The following PEPD variants were observed in gnomAD, a reference collection of about 807,000 sequenced individuals.
The protein encoded by PEPD is peptidase D, also known as xaa-Pro dipeptidase.
A neutral mutation model predicts 60.7 loss-of-function variants in PEPD; 53 were observed. That is an observed-to-expected ratio of 0.87 (90% CI 0.70 to 1.10). The LOEUF is 1.10. PEPD is among the 50% of genes least tolerant of loss of function. The probability of loss-of-function intolerance (pLI) is 0.00; values close to 1 mark genes in which losing one functional copy is unlikely to be tolerated. For missense variants in PEPD, 711 were observed against 711.9 expected (o/e 1.00, Z 0.01); for synonymous variants, 267 against 284.1 (o/e 0.94, Z 0.60).
intron 9 of PEPD, among the ~76,000 whole-genome samples, chr19:33,429,658 C>T (rs1042124073): frequency 2.0e-5 from 3 of 152,154 alleles, no homozygotes; most frequent in South Asian, 2.1e-4. Context: ...AAAGCAATTT[C>T]GCAAAGGCAT....
At chr19:33,387,755 C>T (rs565547009) in intron 14 of PEPD, 135 bp downstream of exon 14, 2 of 828,342 alleles carry the variant, frequency 2.4e-6, no homozygotes, top group South Asian at 2.9e-5. Flanking sequence ...CTGTGACAGA[C>T]CACACGAAGG....
chr19:33,464,826 C>T (rs970019007), intron 7 of PEPD, among the ~76,000 whole-genome samples: 15 of 152,130 alleles, frequency 9.9e-5, no homozygotes, highest in African/African-American at 3.6e-4. Flanking sequence ...TGGTTGCAAT[C>T]AATCTCACCC....
At chr19:33,400,093 G>A (rs1568450701) in intron 12 of PEPD, among the ~76,000 whole-genome samples, 1 of 152,190 alleles carries the variant, frequency 6.6e-6, no homozygotes, top group African/African-American at 2.4e-5. Flanking sequence ...CCTGGAGGAC[G>A]CCTGAGCTCC....
chr19:33,471,593 G>A (rs1479225038), intron 7 of PEPD, among the ~76,000 whole-genome samples: 1 of 152,220 alleles, frequency 6.6e-6, no homozygotes, highest in Non-Finnish European at 1.5e-5. Flanking sequence ...CAGGGGATGT[G>A]TGGGGTGGTT....
chr19:33,493,006 A>G lies in PEPD; in HGVS notation c.441+284T>C, dbSNP rs140334831. 4.1e-4 allele frequency among the ~76,000 whole-genome samples: 63 copies of G among 152,338 alleles called. No individual in the cohort carries two copies. In the East Asian group the frequency reaches 7.7e-3, roughly 19 times the overall value. ...CGCCTCCCACCTCAGCCTCCCAAGT[A>G]GCTGGGACCACAAGCACATGCCACC... is the stretch of plus-strand genomic sequence containing the variant. On this transcript the variant is annotated intron_variant, in intron 5 of 14. Coordinates refer to ENST00000244137, the MANE Select transcript of PEPD (RefSeq NM_000285.4).
intron 12 of PEPD, among the ~76,000 whole-genome samples, chr19:33,394,329 A>T (rs1228031526): frequency 2.6e-5 from 4 of 152,206 alleles, no homozygotes; most frequent in Admixed American, 1.3e-4. Context: ...GAGGGCGGGA[A>T]TCAGGTATAA....
intron 5 of PEPD, among the ~76,000 whole-genome samples, chr19:33,492,810 G>A (rs1009783788): frequency 6.6e-6 from 1 of 152,152 alleles, no homozygotes; most frequent in African/African-American, 2.4e-5. Context: ...TCAAGGATGG[G>A]GTCCCATAAA....
At chr19:33,493,731 T>A (rs562227875) in intron 4 of PEPD, among the ~76,000 whole-genome samples, 1 of 151,898 alleles carries the variant, frequency 6.6e-6, no homozygotes, top group Non-Finnish European at 1.5e-5. Flanking sequence ...CCTACCAGCC[T>A]CTGGTTCCTA....
chr19:33,451,410 A>C (rs1166304459), intron 9 of PEPD, among the ~76,000 whole-genome samples: 2 of 152,244 alleles, frequency 1.3e-5, no homozygotes, highest in Non-Finnish European at 2.9e-5. Context: ...AAACAGAAAT[A>C]CAGGTCTTTT....
At chr19:33,509,558 A>C (rs1427925465) in intron 3 of PEPD, among the ~76,000 whole-genome samples, 1 of 152,160 alleles carries the variant, frequency 6.6e-6, no homozygotes, top group Non-Finnish European at 1.5e-5. Context: ...GGGAAGCTCC[A>C]CTGTGGCCCC....
chr19:33,412,290 T>A (rs893855009), intron 10 of PEPD, among the ~76,000 whole-genome samples: 1 of 152,012 alleles, frequency 6.6e-6, no homozygotes, highest in Non-Finnish European at 1.5e-5. Context: ...GAGACTGCAA[T>A]GAGCTATGAT....
rs72083881 is a variant in PEPD, at chr19:33,484,761, GAC to G, written c.503+5233_503+5234del. Among the ~76,000 whole-genome samples, 279 of 151,528 alleles carry G rather than the reference GAC, an allele frequency of 1.8e-3. 2 individuals carry two copies. Among genetic ancestry groups the G allele is most frequent in the Admixed American group, 8.9e-3 (135 of 15,216 alleles). On this transcript the variant is annotated intron_variant, in intron 6 of 14. Transcript: ENST00000244137. ...ACAGATCAATGTGTATACACAGATA[GAC>G]ACACACACACACACTCAGACACAAA...
chr19:33,465,380 C>T (rs1005117523), intron 7 of PEPD, among the ~76,000 whole-genome samples: 2 of 152,126 alleles, frequency 1.3e-5, no homozygotes, highest in Non-Finnish European at 2.9e-5. Flanking sequence ...ACTGGGGACC[C>T]GCCGCATGGT....
chr19:33,396,845 G>T (rs1968378014), intron 12 of PEPD, among the ~76,000 whole-genome samples: 2 of 152,138 alleles, frequency 1.3e-5, no homozygotes, highest in South Asian at 4.1e-4. Context: ...CAGGGACTGA[G>T]CCCGCGGGAC....
In PEPD at chr19:33,422,839, C is replaced by CTATCTATCTATCTATCTATCT. The variant is rs1568463742; in HGVS notation, c.672-9197_672-9196insAGATAGATAGATAGATAGATA. On this transcript the variant is annotated intron_variant, in intron 9 of 14. Transcript: ENST00000244137. ...TTCTATATCTATCTATCTATCTATC[C>CTATCTATCTATCTATCTATCT]ATCTATCCATCCATCCATCTCTCTA... 1.2e-3 allele frequency among the ~76,000 whole-genome samples: 49 copies of CTATCTATCTATCTATCTATCT among 39,860 alleles called. 1 individual carries two copies. The highest frequency in any genetic ancestry group is 2.3e-3 in the African/African-American group (32 of 14,040). 26.1% of individuals were successfully genotyped at this position (39,860 alleles called of 152,430 possible). A position where few individuals can be genotyped will look rare whatever the true frequency, so the allele number is the denominator to read the frequency against.
chr19:33,502,517 C>G (rs1970730997), intron 3 of PEPD, among the ~76,000 whole-genome samples: 1 of 152,108 alleles, frequency 6.6e-6, no homozygotes, highest in Admixed American at 6.5e-5. Flanking sequence ...CTTTGCAAAC[C>G]CCCCCTTTTT....
intron 12 of PEPD, among the ~76,000 whole-genome samples, chr19:33,393,418 C>T (rs1414208889): frequency 6.6e-6 from 1 of 151,482 alleles, no homozygotes; most frequent in Non-Finnish European, 1.5e-5. Context: ...GCACCCCTGG[C>T]TTTTCTGAGG....
At chr19:33,448,748 C>A (rs570926700) in intron 9 of PEPD, among the ~76,000 whole-genome samples, 2 of 152,140 alleles carry the variant, frequency 1.3e-5, no homozygotes, top group Non-Finnish European at 2.9e-5. Flanking sequence ...AGCTATGTAG[C>A]AAGCACCACG....
chr19:33,428,476 G>C (rs1195902461), intron 9 of PEPD, among the ~76,000 whole-genome samples: 2 of 152,204 alleles, frequency 1.3e-5, no homozygotes, highest in Admixed American at 6.5e-5. Context: ...GTCATGGCTA[G>C]AGGGGTCTCA....
Sources: allele counts gnomAD v4.1 joint callset (sites outside exome capture counted in the v4.1 genomes callset), GRCh38; gene constraint gnomAD v4.1.1; transcripts MANE v1.5; gene names NCBI Gene and HGNC (gene_info 2026-07-23, HGNC 2026-07-21).